The following ADGRA3 variants were observed in gnomAD, a reference collection of about 807,000 sequenced individuals.
The protein encoded by ADGRA3 is adhesion G protein-coupled receptor A3, also known as G-protein coupled receptor 125.
In ADGRA3, 56 loss-of-function variants were observed where a neutral mutation model predicts 119.8. The observed-to-expected ratio is 0.47, with a 90% CI of 0.38 to 0.58. The LOEUF is 0.58. ADGRA3 is among the 20% of genes least tolerant of loss of function. The pLI is 0.00. For synonymous variants in ADGRA3, 607 were observed against 623.8 expected (o/e 0.97, Z 0.40); for missense variants, 1,516 against 1,649.0 (o/e 0.92, Z 1.40).
intron 2 of ADGRA3, among the ~76,000 whole-genome samples, chr4:22,467,011 C>T (rs1300450843): frequency 6.6e-6 from 1 of 152,150 alleles, no homozygotes; most frequent in Admixed American, 6.5e-5. Context: ...GTTCATAAAG[C>T]CAGATAACGT....
At chr4:22,412,696 T>C (rs1331505610) in intron 14 of ADGRA3, among the ~76,000 whole-genome samples, 1 of 152,212 alleles carries the variant, frequency 6.6e-6, no homozygotes, top group Non-Finnish European at 1.5e-5. Context: ...ACATTCTTTG[T>C]GTCAATACTG....
intron 12 of ADGRA3, 119 bp downstream of exon 12, chr4:22,420,764 CAAT>C (rs1355020270): frequency 1.1e-6 from 1 of 910,976 alleles, no homozygotes; most frequent in African/African-American, 1.7e-5. Flanking sequence ...GTAGCAAAAG[CAAT>C]AATACCTATC....
intron 17 of ADGRA3, 64 bp downstream of exon 17, chr4:22,392,481 T>G: frequency 6.3e-7 from 1 of 1,576,986 alleles, no homozygotes; most frequent in Non-Finnish European, 8.7e-7. Context: ...AATTTTGTTA[T>G]AATTTATGAT....
At position 22,388,876 on chromosome 4, in the gene ADGRA3, C is replaced by T. The variant is rs369017846; in HGVS notation, c.2795G>A (p.Cys932Tyr). ...GPASFITFVN[C>Y]MYFLSIFIQL... The stretch of plus-strand genomic sequence containing the variant: ...AATAAATATGCTCAGAAAGTACATG[C>T]AGTTTACAAAAGTGATGAAGCTGGC... Residue 932 changes from cysteine to tyrosine, a missense_variant, in exon 19 of 19, where the codon TGC becomes TAC. Around this residue, in one of 2 missense-constraint regions of ADGRA3, gnomAD observed 1,088 missense variants for 1,107.1 expected, o/e 0.98. Coordinates refer to ENST00000334304, the MANE Select transcript of ADGRA3 (RefSeq NM_145290.4). The T allele has an allele frequency of 2.4e-5, 39 of 1,613,928 alleles. No homozygotes were observed. Among genetic ancestry groups the T allele is most frequent in the Non-Finnish European group, 3.2e-5 (38 of 1,179,976 alleles).
intron 1 of ADGRA3, among the ~76,000 whole-genome samples, chr4:22,486,128 C>T (rs1718424921): frequency 6.6e-6 from 1 of 152,206 alleles, no homozygotes; most frequent in Non-Finnish European, 1.5e-5. Flanking sequence ...TCCACAACGT[C>T]CTCAATGCTT....
intron 1 of ADGRA3, among the ~76,000 whole-genome samples, chr4:22,483,986 A>AT (rs5856698): frequency 0.63 from 95,483 of 151,632 alleles, 31,245 homozygotes; most frequent in Non-Finnish European, 0.72. Flanking sequence ...GCATGATTAC[A>AT]TTTTTTTTAA....
chr4:22,491,566 A>G (rs529760928), intron 1 of ADGRA3, among the ~76,000 whole-genome samples: 1 of 152,202 alleles, frequency 6.6e-6, no homozygotes, highest in Non-Finnish European at 1.5e-5. Context: ...CCCACCCACG[A>G]TATCTGGTCA....
At chr4:22,448,759 A>G (rs1241759811) in intron 4 of ADGRA3, among the ~76,000 whole-genome samples, 1 of 152,146 alleles carries the variant, frequency 6.6e-6, no homozygotes, top group Non-Finnish European at 1.5e-5. Context: ...TGGTTTTTAT[A>G]TTTTATAATT....
chr4:22,423,976 C>G (rs1272995912), intron 11 of ADGRA3, among the ~76,000 whole-genome samples: 1 of 151,952 alleles, frequency 6.6e-6, no homozygotes, highest in East Asian at 1.9e-4. Context: ...TCTGTAATAA[C>G]TTATAAAATG....
chr4:22,411,057 C>T (rs1307781743), intron 14 of ADGRA3, among the ~76,000 whole-genome samples: 1 of 152,066 alleles, frequency 6.6e-6, no homozygotes, highest in Non-Finnish European at 1.5e-5. Context: ...ATGCTTTAAA[C>T]TGGTATTAGA....
chr4:22,497,943 A>G (rs1033979487), intron 1 of ADGRA3, among the ~76,000 whole-genome samples: 8 of 83,570 alleles, frequency 9.6e-5, no homozygotes, highest in African/African-American at 2.6e-4. Flanking sequence ...GACCCCATCT[A>G]AAAAAAAAAA....
intron 10 of ADGRA3, among the ~76,000 whole-genome samples, chr4:22,425,632 G>A (rs190273882): frequency 7.2e-5 from 11 of 152,304 alleles, no homozygotes; most frequent in Non-Finnish European, 1.2e-4. Flanking sequence ...ATTAAAAGGC[G>A]TTAAGTCCCA....
At chr4:22,478,528 G>A (rs899707754) in intron 1 of ADGRA3, among the ~76,000 whole-genome samples, 2 of 152,292 alleles carry the variant, frequency 1.3e-5, no homozygotes, top group South Asian at 2.1e-4. Context: ...CCATTGTAGG[G>A]AAAAATCAGA....
At chr4:22,411,183 T>C (rs1309064823) in intron 14 of ADGRA3, among the ~76,000 whole-genome samples, 1 of 152,286 alleles carries the variant, frequency 6.6e-6, no homozygotes, top group Non-Finnish European at 1.5e-5. Flanking sequence ...TGTTAACTTA[T>C]AAATTTCTGA....
chr4:22,495,625 T>C (rs1718790248), intron 1 of ADGRA3, among the ~76,000 whole-genome samples: 1 of 152,004 alleles, frequency 6.6e-6, no homozygotes, highest in African/African-American at 2.4e-5. Context: ...ATCAAAGTTA[T>C]AGGCCGGGCG....
rs185524879 is a variant in ADGRA3 at position 22,447,208 on chromosome 4, T to C, written c.545+232A>G. 1.0e-3 allele frequency among the ~76,000 whole-genome samples: 152 copies of C among 152,282 alleles called. 2 individuals are homozygous for C. The highest frequency in any genetic ancestry group is 7.0e-3 in the Admixed American group (107 of 15,298). On this transcript the variant is annotated intron_variant, in intron 5 of 18. Transcript: ENST00000334304. ...GAAACAATTACCAGTTTACTTACTC[T>C]AAATATAGATTAGAGTAATATGGTA...
chr4:22,445,040 C>A lies in ADGRA3; in HGVS notation c.639G>T (p.Arg213Ser). The A allele has an allele frequency of 1.2e-6, 2 of 1,613,948 alleles. No individual in the cohort carries two copies. Among genetic ancestry groups the A allele is most frequent in the Non-Finnish European group, 1.7e-6 (2 of 1,179,930 alleles). ...KEKNITVRDT[R>S]CVYPKSLQAQ... is the part of the protein sequence containing the mutation. Reference sequence around the variant, plus strand: ...CCTGCAGTGACTTAGGATAAACACACCTGGTATCCCGTACCGTGATGTTCT... The same window carrying A: ...CCTGCAGTGACTTAGGATAAACACAACTGGTATCCCGTACCGTGATGTTCT... The change falls in exon 6 of 19, where the codon AGG becomes AGT. Residue 213 changes from arginine to serine, a missense_variant. Physicochemically the swap from Arg to Ser is moderately radical, Grantham distance 110. Transcript: ENST00000334304.
intron 11 of ADGRA3, among the ~76,000 whole-genome samples, chr4:22,421,878 C>A (rs1287671727): frequency 1.6e-5 from 1 of 63,594 alleles, no homozygotes; most frequent in Non-Finnish European, 3.1e-5. Flanking sequence ...AAGACTCAGT[C>A]TCCAAAAAAA....
intron 10 of ADGRA3, among the ~76,000 whole-genome samples, chr4:22,434,949 C>T (rs1716334681): frequency 6.6e-6 from 1 of 152,156 alleles, no homozygotes; most frequent in Non-Finnish European, 1.5e-5. Context: ...CTAAAACTCC[C>T]GTTACAAAAG....
Sources: allele counts gnomAD v4.1 joint callset (sites outside exome capture counted in the v4.1 genomes callset), GRCh38; gene constraint gnomAD v4.1.1; regional missense constraint gnomAD v4.1.1; transcripts MANE v1.5; gene names NCBI Gene and HGNC (gene_info 2026-07-23, HGNC 2026-07-21).